The following CDK12 variants were observed in gnomAD, a reference collection of about 807,000 sequenced individuals.
CDK12 encodes the protein cyclin dependent kinase 12.
In CDK12, 17 loss-of-function variants were observed where a neutral mutation model predicts 133.8. The ratio of observed to expected loss-of-function variants is 0.13; its 90% CI spans 0.09 to 0.19. The LOEUF (loss-of-function observed/expected upper bound fraction) is 0.19. Among genes scored for constraint, CDK12 ranks in the 10% least tolerant of loss-of-function variants. The probability of loss-of-function intolerance (pLI) is 1.00; values close to 1 mark genes in which losing one functional copy is unlikely to be tolerated. For synonymous variants in CDK12, 694 were observed against 683.6 expected (o/e 1.02, Z -0.24); for missense variants, 1,508 against 1,818.7 (o/e 0.83, Z 3.11).
chr17:39,482,589 A>G (rs1301420126), intron 2 of CDK12, among the ~76,000 whole-genome samples: 1 of 95,482 alleles, frequency 1.0e-5, no homozygotes, highest in Non-Finnish European at 2.5e-5. Flanking sequence ...CAAAGTGAAC[A>G]ATCAACTACA....
At chr17:39,491,887 G>C (rs12942352) in intron 3 of CDK12, among the ~76,000 whole-genome samples, 90,716 of 149,608 alleles carry the variant, frequency 0.61, 31,058 homozygotes, top group South Asian at 0.89. Flanking sequence ...CCAGCACTTT[G>C]GGAGGCCAAG....
chr17:39,516,084 G>A (rs2053785126), intron 9 of CDK12, among the ~76,000 whole-genome samples: 1 of 152,172 alleles, frequency 6.6e-6, no homozygotes, highest in African/African-American at 2.4e-5. Flanking sequence ...TCATAGCTCA[G>A]ATGAGATTAA....
intron 5 of CDK12, among the ~76,000 whole-genome samples, chr17:39,497,518 G>A (rs1395537518): frequency 6.6e-6 from 1 of 151,326 alleles, no homozygotes; most frequent in Non-Finnish European, 1.5e-5. Context: ...ACTTTAGCCT[G>A]GGCAACAGAG....
chr17:39,530,532 A>G lies in CDK12; in HGVS notation c.3761-72A>G, dbSNP rs186183330. 63 of 1,505,366 alleles carry G rather than the reference A, an allele frequency of 4.2e-5. No individual in the cohort carries two copies. In the Admixed American group the frequency reaches 5.9e-4, roughly 14 times the overall value. The allele number at this position is 1,505,366 out of a possible 1,614,324, so 93.3% of individuals were successfully genotyped here. A position where few individuals can be genotyped will look rare whatever the true frequency, so the allele number is the denominator to read the frequency against. On this transcript the variant is annotated intron_variant, in intron 13 of 13. Coordinates refer to ENST00000447079, the MANE Select transcript of CDK12 (RefSeq NM_016507.4). ...ATATTGATATTTGTTTATGTTGCAC[A>G]GTGTGTGTGTTTGTGTTTATAATCA...
chr17:39,483,689 AATTTATTTATTTATTTATTTATTT>A (rs71353589), intron 2 of CDK12, among the ~76,000 whole-genome samples: 1 of 148,844 alleles, frequency 6.7e-6, no homozygotes, highest in East Asian at 2.0e-4. Context: ...AAACAGTTAC[AATTTATTTATTTATTTATTTATTT>A]ATTTATTTAT....
downstream of CDK12, among the ~76,000 whole-genome samples, chr17:39,538,956 A>G (rs34745517): frequency 1.4e-5 from 2 of 139,336 alleles, no homozygotes; most frequent in Non-Finnish European, 3.2e-5. Context: ...TACATACATA[A>G]GGCTAGTATC....
Position 39,525,920 on chromosome 17 carries a change from C to G in CDK12, c.3364C>G (p.Leu1122Val). The change falls in exon 13 of 14, where the codon CTG becomes GTG. Residue 1122 changes from leucine to valine, a missense_variant. Around this residue, in one of 9 missense-constraint regions of CDK12, gnomAD observed 399 missense variants for 469.6 expected, o/e 0.85. Transcript: ENST00000447079. ...AAGTGAATTGGCAGTGTTATTAAAC[C>G]TGCTGCAGAGCCAAACCGACCTGAG... ...NQSELAVLLN[L>V]LQSQTDLSIP... The G allele has an allele frequency of 1.2e-6, 2 of 1,614,208 alleles. No homozygotes were observed. Among genetic ancestry groups the G allele is most frequent in the East Asian group, 4.5e-5 (2 of 44,890 alleles).
Position 39,530,619 on chromosome 17 carries a change from T to G in CDK12, c.3776T>G (p.Ile1259Ser). 6.3e-7 allele frequency: 1 copy of G among 1,598,082 alleles called. No homozygotes were observed. The highest frequency in any genetic ancestry group is 8.5e-7 in the Non-Finnish European group (1 of 1,171,036). Reference sequence around the variant, plus strand: ...CCTTCCACAGCATGTCCTCCTCACATTCTTCCACCAGAGAAGAGGCCCCCT... The same window carrying G: ...CCTTCCACAGCATGTCCTCCTCACAGTCTTCCACCAGAGAAGAGGCCCCCT... ...QEEAAACPPH[I>S]LPPEKRPPEP... Residue 1259 changes from isoleucine (I) to serine (S), a missense_variant, in exon 14 of 14, where the codon ATT (isoleucine) becomes AGT (serine). Coordinates refer to ENST00000447079, the MANE Select transcript of CDK12 (RefSeq NM_016507.4).
rs2054820127 is a variant in CDK12, at chr17:39,531,162, A to G, written c.4319A>G (p.Tyr1440Cys). The change falls in exon 14 of 14, where the codon TAT (tyrosine) becomes TGT (cysteine). Residue 1440 changes from tyrosine to cysteine, a missense_variant. Tyr to Cys is a radical substitution (Grantham distance 194, BLOSUM62 -2). Transcript: ENST00000447079. ...VVHAETKLQN[Y>C]GELGPGTTGA... ...CATGCAGAGACCAAATTGCAAAACTATGGGGAGCTGGGGCCAGGAACCACT... is the reference window on the plus strand; with the variant it reads ...CATGCAGAGACCAAATTGCAAAACTGTGGGGAGCTGGGGCCAGGAACCACT... The G allele has an allele frequency of 3.3e-6, 5 of 1,528,036 alleles. No homozygotes were observed. Among genetic ancestry groups the G allele is most frequent in the South Asian group, 1.3e-5 (1 of 76,394 alleles). 94.7% of individuals were successfully genotyped at this position (1,528,036 alleles called of 1,614,324 possible). A position where few individuals can be genotyped will look rare whatever the true frequency, so the allele number is the denominator to read the frequency against.
chr17:39,566,350 G>A (rs2056574013), downstream of CDK12, among the ~76,000 whole-genome samples: 1 of 152,000 alleles, frequency 6.6e-6, no homozygotes, highest in South Asian at 2.1e-4. Context: ...TGGTCATTAG[G>A]GCAAGGAGCT....
At chr17:39,563,385 T>G (rs573993288) in intron 3 of CDK12, among the ~76,000 whole-genome samples, 1 of 146,074 alleles carries the variant, frequency 6.8e-6, no homozygotes, top group South Asian at 2.1e-4. Flanking sequence ...CTGAGAGAAC[T>G]CAATATTCTC....
intron 7 of CDK12, among the ~76,000 whole-genome samples, chr17:39,510,664 A>G (rs2053445186): frequency 1.3e-5 from 2 of 150,074 alleles, no homozygotes; most frequent in African/African-American, 4.9e-5. Context: ...CCCAGGCTGG[A>G]GTGCAATGGC....
intron 8 of CDK12, among the ~76,000 whole-genome samples, chr17:39,513,425 A>G (rs2053610625): frequency 6.6e-6 from 1 of 152,206 alleles, no homozygotes. Flanking sequence ...GCCTACCCAA[A>G]TAAAATAAAG....
intron 13 of CDK12, 50 bp downstream of exon 13, chr17:39,526,366 C>T (rs2054499992): frequency 7.2e-7 from 1 of 1,383,028 alleles, no homozygotes. Flanking sequence ...TGTTGATACC[C>T]TCTTAAAAAT....
At chr17:39,473,272 A>G (rs549427898) in intron 2 of CDK12, among the ~76,000 whole-genome samples, 1 of 152,228 alleles carries the variant, frequency 6.6e-6, no homozygotes, top group Non-Finnish European at 1.5e-5. Flanking sequence ...GCTGCTTTAA[A>G]AAAAAAGAAA....
Position 39,501,505 on chromosome 17 carries a change from G to C in CDK12, c.2609+66G>C, listed in dbSNP as rs1358337444. On this transcript the variant is annotated intron_variant, in intron 6 of 13. Transcript: ENST00000447079. The stretch of plus-strand genomic sequence containing the variant: ...TCCTCTGACCTTTTTAGTTTCAAAT[G>C]GTTAATTGGTATTATAATTAGACCT... 10 of 1,072,750 alleles carry C rather than the reference G, an allele frequency of 9.3e-6. No individual in the cohort carries two copies. The African/African-American group carries it at 1.3e-4, about 14-fold the overall frequency. The allele number at this position is 1,072,750 out of a possible 1,614,324, so 66.5% of individuals were successfully genotyped here.
At chr17:39,510,834 A>C (rs1598115565) in intron 7 of CDK12, among the ~76,000 whole-genome samples, 1 of 150,184 alleles carries the variant, frequency 6.7e-6, no homozygotes, top group East Asian at 2.1e-4. Flanking sequence ...GCTGGTCTCG[A>C]ACTCCCGACC....
chr17:39,523,236 G>T (rs1216700233), intron 11 of CDK12, among the ~76,000 whole-genome samples: 1 of 152,114 alleles, frequency 6.6e-6, no homozygotes, highest in Non-Finnish European at 1.5e-5. Context: ...CACTTTGGGA[G>T]GCTGAGGCAG....
At chr17:39,495,118 G>A (rs918621293) in intron 5 of CDK12, among the ~76,000 whole-genome samples, 1 of 151,834 alleles carries the variant, frequency 6.6e-6, no homozygotes, top group Non-Finnish European at 1.5e-5. Flanking sequence ...TCGCACTGTC[G>A]CCCAGGCTGG....
Sources: gnomAD v4.1 joint callset for allele counts (sites outside exome capture counted in the v4.1 genomes callset) on GRCh38, gnomAD v4.1.1 for gene constraint, gnomAD v4.1.1 regional missense constraint, MANE v1.5 for transcripts, NCBI Gene and HGNC (gene_info 2026-07-23, HGNC 2026-07-21) for gene names.